Variants in RNF6 observed in about 807,000 individuals in gnomAD.
The protein encoded by RNF6 is ring finger protein 6, also known as E3 ubiquitin-protein ligase RNF6.
RNF6 carries 21 observed loss-of-function variants against 50.1 expected under a neutral mutation model. That is an observed-to-expected ratio of 0.42 (90% confidence interval 0.30 to 0.60). The LOEUF is 0.60. Among genes scored for constraint, RNF6 ranks in the 20% least tolerant of loss-of-function variants. RNF6 has a pLI of 0.20. For synonymous variants in RNF6, 255 were observed against 291.8 expected (o/e 0.87, Z 1.29); for missense variants, 698 against 838.2 (o/e 0.83, Z 2.07).
At chr13:26,212,735 C>T (rs1869384850), downstream of RNF6, 1 of 149,902 alleles carries the variant, frequency 6.7e-6, no homozygotes, top group Admixed American at 6.7e-5. Flanking sequence ...GGTGAATAAA[C>T]CACAGTGGAA....
At chr13:26,208,421 T>G (rs1403139350), downstream of RNF6, among the ~76,000 whole-genome samples, 1 of 152,214 alleles carries the variant, frequency 6.6e-6, no homozygotes, top group Non-Finnish European at 1.5e-5. Context: ...AGTTTGATGC[T>G]GGAGGAATTA....
intron 5 of RNF6, among the ~76,000 whole-genome samples, chr13:26,180,761 T>C (rs1873196284): frequency 2.0e-5 from 3 of 152,250 alleles, no homozygotes; most frequent in Admixed American, 6.5e-5. Context: ...ACTATTGGCA[T>C]TTGGGAGGAA....
chr13:26,202,898 T>C (rs780502841), intron 5 of RNF6, among the ~76,000 whole-genome samples: 2 of 152,240 alleles, frequency 1.3e-5, no homozygotes, highest in African/African-American at 2.4e-5. Context: ...AGCTCAAGAC[T>C]GGATACAATG....
chr13:26,198,997 T>C (rs1593182502), intron 5 of RNF6, among the ~76,000 whole-genome samples: 1 of 151,906 alleles, frequency 6.6e-6, no homozygotes, highest in African/African-American at 2.4e-5. Flanking sequence ...TAAATGGAGA[T>C]ATATACCATA....
chr13:26,194,224 G>T (rs1868571450), intron 5 of RNF6, among the ~76,000 whole-genome samples: 1 of 151,840 alleles, frequency 6.6e-6, no homozygotes, highest in Non-Finnish European at 1.5e-5. Flanking sequence ...AATTTTAACA[G>T]TGGTTATGGT....
chr13:26,151,626 T>TTTC (rs1343482898), intron 5 of RNF6, among the ~76,000 whole-genome samples: 4 of 148,878 alleles, frequency 2.7e-5, no homozygotes, highest in Non-Finnish European at 4.4e-5. Flanking sequence ...TTTTTCTTTT[T>TTTC]TTTTTTTTGG....
downstream of RNF6, among the ~76,000 whole-genome samples, chr13:26,212,238 A>G (rs143853524): frequency 3.5e-4 from 53 of 152,344 alleles, no homozygotes; most frequent in South Asian, 1.4e-3. Context: ...TCTATAAGGT[A>G]AGATAAAAAG....
intron 5 of RNF6, among the ~76,000 whole-genome samples, chr13:26,184,687 C>T (rs1873430972): frequency 6.6e-6 from 1 of 152,170 alleles, no homozygotes; most frequent in Non-Finnish European, 1.5e-5. Flanking sequence ...TTTCCTGGTC[C>T]ATAATGACTG....
At chr13:26,203,889 C>A (rs1228953476) in intron 5 of RNF6, among the ~76,000 whole-genome samples, 1 of 152,050 alleles carries the variant, frequency 6.6e-6, no homozygotes, top group South Asian at 2.1e-4. Context: ...GGAGGCGGAG[C>A]TTGCAGTGAG....
chr13:26,138,448 A>G (rs1424019545), intron 5 of RNF6, among the ~76,000 whole-genome samples: 1 of 152,168 alleles, frequency 6.6e-6, no homozygotes, highest in African/African-American at 2.4e-5. Context: ...CTATAGGTAA[A>G]TGGAAAAGAC....
At chr13:26,144,427 C>T (rs1593144730) in intron 5 of RNF6, among the ~76,000 whole-genome samples, 2 of 150,706 alleles carry the variant, frequency 1.3e-5, no homozygotes, top group African/African-American at 2.4e-5. Context: ...CATACCTCTT[C>T]TCCAAATTTC....
rs1163881143 is a variant in RNF6 at position 26,188,623 on chromosome 13, C to CTTTTTTTTTTTTTTTTT, written n.768+26834_768+26850dup. Among the ~76,000 whole-genome samples, 21 of 43,274 alleles carry CTTTTTTTTTTTTTTTTT rather than the reference C, an allele frequency of 4.9e-4. 4 individuals carry two copies. The highest frequency in any genetic ancestry group is 1.8e-3 in the East Asian group (3 of 1,666). The allele number at this position is 43,274 out of a possible 152,430, so 28.4% of individuals were successfully genotyped here. ...GCTTTAGTTGGACAAGTCAAAAGAG[C>CTTTTTTTTTTTTTTTTT]TTTTTTTTTTTTTTTTTTTTTTTTT... On this transcript the variant is annotated intron_variant and non_coding_transcript_variant, in intron 5 of 5. Transcript: ENST00000468480.
rs112629958 is a variant in RNF6, at chr13:26,168,750, G to A, written n.769-36299C>T. 7.5e-3 allele frequency among the ~76,000 whole-genome samples: 1,141 copies of A among 152,314 alleles called. 9 individuals are homozygous for A. Among genetic ancestry groups the A allele is most frequent in the African/African-American group, 0.026 (1,090 of 41,564 alleles). ...ACTCTGGCCAGGCATAGTGGCTCAC[G>A]CCAATAATCCTAGCACTTTAGGAAA... On this transcript the variant is annotated intron_variant and non_coding_transcript_variant, in intron 5 of 5. Coordinates refer to the RNF6 transcript ENST00000468480.
chr13:26,203,576 C>T (rs750575684), intron 5 of RNF6, among the ~76,000 whole-genome samples: 5 of 152,224 alleles, frequency 3.3e-5, no homozygotes, highest in Non-Finnish European at 5.9e-5. Context: ...CCCCAGGCAG[C>T]TCCTAGCAGT....
intron 5 of RNF6, among the ~76,000 whole-genome samples, chr13:26,193,171 G>T (rs745539470): frequency 1.3e-4 from 20 of 152,114 alleles, no homozygotes; most frequent in South Asian, 2.1e-4. Context: ...TTTTACATTT[G>T]GGGGAGATGT....
intron 5 of RNF6, chr13:26,149,041 A>G (rs1871416126): frequency 6.6e-6 from 1 of 152,016 alleles, no homozygotes; most frequent in Admixed American, 6.6e-5. Context: ...TATTCAGTCT[A>G]CCTATTTAAA....
At chr13:26,198,208 G>A (rs945495566) in intron 5 of RNF6, among the ~76,000 whole-genome samples, 1 of 151,548 alleles carries the variant, frequency 6.6e-6, no homozygotes, top group Non-Finnish European at 1.5e-5. Context: ...TGATTGTGAA[G>A]TTTGGTATAG....
rs969793681 is a variant in RNF6 at position 26,219,817 on chromosome 13, A to T, written c.-18-150T>A. ...AAATCTTGCAGTGAGAAGCTTACAT[A>T]TAAAATGAAAAACAGCTTCTAGGAA... is the stretch of plus-strand genomic sequence containing the variant. On this transcript the variant is annotated intron_variant, in intron 2 of 4. Coordinates refer to ENST00000381588, the MANE Select transcript of RNF6 (RefSeq NM_005977.4). The T allele has an allele frequency of 3.5e-5, 23 of 649,468 alleles. No homozygotes were observed. In the African/African-American group the frequency reaches 3.6e-4, roughly 10 times the overall value. 40.2% of individuals were successfully genotyped at this position (649,468 alleles called of 1,614,324 possible). A position where few individuals can be genotyped will look rare whatever the true frequency, so the allele number is the denominator to read the frequency against.
chr13:26,158,740 T>C (rs1028417177), intron 5 of RNF6, among the ~76,000 whole-genome samples: 1 of 152,142 alleles, frequency 6.6e-6, no homozygotes, highest in Non-Finnish European at 1.5e-5. Flanking sequence ...TGTGTGTGTA[T>C]TGAATTTTTA....
Sources: allele counts gnomAD v4.1 joint callset (sites outside exome capture counted in the v4.1 genomes callset), GRCh38; gene constraint gnomAD v4.1.1; transcripts MANE v1.5; gene names NCBI Gene and HGNC (gene_info 2026-07-23, HGNC 2026-07-21).